KTN1: variants seen among roughly 807,000 people sequenced by gnomAD.
The protein encoded by KTN1 is kinectin 1.
In KTN1, 130 loss-of-function variants were observed where a neutral mutation model predicts 222.5. The observed-to-expected ratio is 0.58, with a 90% CI of 0.51 to 0.68. The LOEUF (loss-of-function observed/expected upper bound fraction) is 0.68. KTN1 is among the 30% of genes least tolerant of loss of function. KTN1 has a pLI of 0.00. For missense variants in KTN1, 1,508 were observed against 1,500.4 expected, an observed-to-expected ratio of 1.01 and a Z score of -0.08; for synonymous variants, 512 against 496.3, an observed-to-expected ratio of 1.03 and a Z score of -0.42.
At position 55,675,821 on chromosome 14, in the gene KTN1, C is replaced by G. The variant is rs370873519; in HGVS notation, c.3772-14C>G. On this transcript the variant is annotated splice_polypyrimidine_tract_variant and intron_variant, in intron 40 of 43. Transcript: ENST00000395314. Reference sequence around the variant, plus strand: ...GCAAATTAAGTTAATTGTGGTGTTCCTTTATTTTTACAGTTGAAGGCACAG... The same window carrying G: ...GCAAATTAAGTTAATTGTGGTGTTCGTTTATTTTTACAGTTGAAGGCACAG... 4 of 1,565,808 alleles carry G rather than the reference C, an allele frequency of 2.6e-6. No homozygotes were observed. Among genetic ancestry groups the G allele is most frequent in the African/African-American group, 1.4e-5 (1 of 73,796 alleles).
chr14:55,661,844 T>C (rs1306962487), intron 32 of KTN1: 4 of 300,866 alleles, frequency 1.3e-5, no homozygotes, highest in Non-Finnish European at 1.8e-5. Context: ...ATGTTGAAGC[T>C]ATAATTATTA....
rs370975326 is a variant in KTN1 at position 55,640,968 on chromosome 14, A to G, written c.2019A>G (p.Gln673=). 1.7e-5 allele frequency: 28 copies of G among 1,609,144 alleles called. No homozygotes were observed. The African/African-American group carries it at 2.1e-4, about 12-fold the overall frequency. The part of the protein sequence containing the change: ...AAAHELEKMQ[Q]SVYVKDDKIR... Reference sequence around the variant, plus strand: ...CACATGAATTGGAGAAGATGCAACAAAGGTGACTAAAGTATTGTACATCTA... The same window carrying G: ...CACATGAATTGGAGAAGATGCAACAGAGGTGACTAAAGTATTGTACATCTA... Residue 673 remains glutamine (Q), a splice_region_variant and synonymous_variant, in exon 16 of 44, where the codon CAA becomes CAG. Transcript: ENST00000395314.
chr14:55,586,827 A>C (rs1473019508), intron 1 of KTN1, among the ~76,000 whole-genome samples: 1 of 152,198 alleles, frequency 6.6e-6, no homozygotes, highest in Admixed American at 6.5e-5. Flanking sequence ...AAAGCAGTAG[A>C]TAGAATGTCG....
chr14:55,592,939 T>A (rs1450923777), intron 1 of KTN1, among the ~76,000 whole-genome samples: 1 of 152,206 alleles, frequency 6.6e-6, no homozygotes, highest in East Asian at 1.9e-4. Context: ...GCTAGACCTG[T>A]CTTGGAGGCT....
At chr14:55,585,968 A>G (rs1752519125) in intron 1 of KTN1, among the ~76,000 whole-genome samples, 1 of 152,226 alleles carries the variant, frequency 6.6e-6, no homozygotes, top group Non-Finnish European at 1.5e-5. Context: ...TGTGAATTCA[A>G]GTAAGTGTAC....
intron 1 of KTN1, among the ~76,000 whole-genome samples, chr14:55,596,624 G>C (rs2035081214): frequency 6.6e-6 from 1 of 152,148 alleles, no homozygotes; most frequent in Non-Finnish European, 1.5e-5. Flanking sequence ...ATGGTGTGCT[G>C]TGTTTTAATT....
At chr14:55,586,446 TCAA>T (rs2140315438) in intron 1 of KTN1, among the ~76,000 whole-genome samples, 1 of 152,304 alleles carries the variant, frequency 6.6e-6, no homozygotes, top group African/African-American at 2.4e-5. Flanking sequence ...TTTAATCTTC[TCAA>T]CAACCTTATG....
intron 5 of KTN1, among the ~76,000 whole-genome samples, chr14:55,623,444 A>G (rs936923783): frequency 5.3e-5 from 8 of 152,294 alleles, no homozygotes; most frequent in African/African-American, 1.9e-4. Flanking sequence ...CTGTGGCGCA[A>G]TCTCTGCTCA....
chr14:55,674,557 C>T (rs2045733256), intron 40 of KTN1: 1 of 152,116 alleles, frequency 6.6e-6, no homozygotes, highest in Non-Finnish European at 1.5e-5. Flanking sequence ...CTATGCTATG[C>T]ATTGCACAGA....
At chr14:55,671,382 T>TA (rs2045433591) in intron 35 of KTN1, 184 bp from the exon 36 acceptor site, 1 of 567,200 alleles carries the variant, frequency 1.8e-6, no homozygotes. Flanking sequence ...CATTGTTTAA[T>TA]AAAAATGACC....
intron 1 of KTN1, among the ~76,000 whole-genome samples, chr14:55,601,243 G>T (rs2035929019): frequency 6.6e-6 from 1 of 152,206 alleles, no homozygotes; most frequent in African/African-American, 2.4e-5. Flanking sequence ...AGTAAGTGGT[G>T]TGTTAATAAG....
chr14:55,618,581 G>A (rs1344519838), intron 4 of KTN1, among the ~76,000 whole-genome samples: 1 of 152,138 alleles, frequency 6.6e-6, no homozygotes, highest in Admixed American at 6.6e-5. Flanking sequence ...GCTCCTTTGA[G>A]TCTGATGGGT....
intron 1 of KTN1, among the ~76,000 whole-genome samples, chr14:55,603,080 T>C (rs549133461): frequency 1.3e-5 from 2 of 152,316 alleles, no homozygotes; most frequent in African/African-American, 2.4e-5. Flanking sequence ...TCACTCTATC[T>C]ACTTGTCCAA....
At position 55,658,731 on chromosome 14, in the gene KTN1, TTA is replaced by T. The variant is rs575772135; in HGVS notation, c.2961+119_2961+120del. ...TCATTGAGAATGAAGTATGTTTTAT[TTA>T]TGTTTATCAAATTTTATATAAAAGA... On this transcript the variant is annotated intron_variant, in intron 30 of 43. Transcript: ENST00000395314. 3.6e-4 allele frequency: 228 copies of T among 638,228 alleles called. 3 individuals carry two copies. The South Asian group carries it at 4.5e-3, about 13-fold the overall frequency. 39.5% of individuals were successfully genotyped at this position (638,228 alleles called of 1,614,324 possible). A position where few individuals can be genotyped will look rare whatever the true frequency, so the allele number is the denominator to read the frequency against.
intron 18 of KTN1, among the ~76,000 whole-genome samples, chr14:55,644,013 A>G (rs928710603): frequency 6.6e-6 from 1 of 152,184 alleles, no homozygotes; most frequent in African/African-American, 2.4e-5. Flanking sequence ...TGTGATACTA[A>G]TTTAAGATCT....
In KTN1 at chr14:55,672,523, C is replaced by G. The variant is rs915671402; in HGVS notation, c.3532-107C>G. On this transcript the variant is annotated intron_variant, in intron 37 of 43. Coordinates refer to ENST00000395314, the MANE Select transcript of KTN1 (RefSeq NM_001079521.2). ...AAATTCATCTCTTTTAAATGAGATG[C>G]ATTTCAAAACCTTGGAAGTGTCTTT... The G allele has an allele frequency of 1.1e-5, 7 of 637,450 alleles. No individual in the cohort carries two copies. In the South Asian group the frequency reaches 1.3e-4, roughly 11 times the overall value. 39.5% of individuals were successfully genotyped at this position (637,450 alleles called of 1,614,324 possible).
chr14:55,679,505 T>G (rs1186159684), intron 42 of KTN1, 60 bp from the exon 43 acceptor site: 1 of 1,406,926 alleles, frequency 7.1e-7, no homozygotes, highest in African/African-American at 1.4e-5. Context: ...TTCTGTTGTT[T>G]GGTTTTACAT....
chr14:55,675,784 T>C lies in KTN1; in HGVS notation c.3772-51T>C, dbSNP rs758002768. Reference sequence around the variant, plus strand: ...TTCAGTCCTAGAGGTATCAGCATAATCAAAGAATGATGCAAATTAAGTTAA... The same window carrying C: ...TTCAGTCCTAGAGGTATCAGCATAACCAAAGAATGATGCAAATTAAGTTAA... On this transcript the variant is annotated intron_variant, in intron 40 of 43. Transcript: ENST00000395314. 7.3e-6 allele frequency: 9 copies of C among 1,238,486 alleles called. No individual in the cohort carries two copies. The South Asian group carries it at 1.1e-4, about 15-fold the overall frequency. 76.7% of individuals were successfully genotyped at this position (1,238,486 alleles called of 1,614,324 possible).
intron 2 of KTN1, among the ~76,000 whole-genome samples, chr14:55,614,064 G>T (rs952641217): frequency 6.6e-6 from 1 of 152,172 alleles, no homozygotes. Context: ...CAAGAGTACA[G>T]TGTATTATTG....
Sources: gnomAD v4.1 joint callset for allele counts (sites outside exome capture counted in the v4.1 genomes callset) on GRCh38, gnomAD v4.1.1 for gene constraint, MANE v1.5 for transcripts, NCBI Gene and HGNC (gene_info 2026-07-23, HGNC 2026-07-21) for gene names.